BICC1: variants seen among roughly 807,000 people sequenced by gnomAD.
The protein encoded by BICC1 is BicC family RNA binding protein 1.
Under a neutral mutation model 111.0 loss-of-function variants are expected in BICC1, and 43 were observed. The observed-to-expected ratio is 0.39, with a 90% CI of 0.30 to 0.50. BICC1 has a LOEUF of 0.50. Among genes scored for constraint, BICC1 ranks in the 20% least tolerant of loss-of-function variants. BICC1 has a pLI of 0.88. For missense variants in BICC1, 1,091 were observed against 1,203.2 expected (o/e 0.91, Z 1.38); for synonymous variants, 467 against 434.4 (o/e 1.07, Z -0.93).
chr10:58,602,359 A>C (rs1845068737), intron 1 of BICC1, among the ~76,000 whole-genome samples: 1 of 152,216 alleles, frequency 6.6e-6, no homozygotes, highest in Non-Finnish European at 1.5e-5. Context: ...AATCGAGGTA[A>C]CATTATGTTA....
Position 58,555,662 on chromosome 10 carries a change from G to A in BICC1, c.190+42329G>A, listed in dbSNP as rs12357026. 2.2e-4 allele frequency among the ~76,000 whole-genome samples: 34 copies of A among 152,120 alleles called. 1 individual carries two copies. Among genetic ancestry groups the A allele is most frequent in the Non-Finnish European group, 7.4e-5 (5 of 68,018 alleles). On this transcript the variant is annotated intron_variant, in intron 1 of 20. Coordinates refer to ENST00000373886, the MANE Select transcript of BICC1 (RefSeq NM_001080512.3). ...TATGGGTCACTGAGGTCTGTCATGC[G>A]AAACTAAGTGTTGGCCTGGCATCTC...
At chr10:58,570,489 A>C (rs1210924742) in intron 1 of BICC1, among the ~76,000 whole-genome samples, 17 of 152,184 alleles carry the variant, frequency 1.1e-4, no homozygotes. Context: ...AGGAGCAGCC[A>C]AGATGACTGG....
rs144642523 is a variant in BICC1 at position 58,697,894 on chromosome 10, C to G, written c.238-4180C>G. ...CCTAGACCAAACTCCACCCACACCC[C>G]CTGTAGAGACCTTGTGCTTCCTCCC... On this transcript the variant is annotated intron_variant, in intron 2 of 20. Transcript: ENST00000373886. Among the ~76,000 whole-genome samples, 18 of 152,136 alleles carry G rather than the reference C, an allele frequency of 1.2e-4. No individual in the cohort carries two copies. In the East Asian group the frequency reaches 2.3e-3, roughly 20 times the overall value.
intron 3 of BICC1, among the ~76,000 whole-genome samples, chr10:58,746,122 T>C (rs1455970196): frequency 2.0e-5 from 3 of 152,144 alleles, no homozygotes; most frequent in African/African-American, 7.2e-5. Flanking sequence ...CCCATTTGGT[T>C]AGTGCCTCTG....
intron 1 of BICC1, among the ~76,000 whole-genome samples, chr10:58,579,085 G>A (rs868465414): frequency 5.9e-5 from 9 of 152,030 alleles, no homozygotes; most frequent in Non-Finnish European, 1.0e-4. Context: ...GAATCTAAAG[G>A]CCCCCTTCAT....
chr10:58,635,625 A>G (rs1837930761), intron 2 of BICC1, among the ~76,000 whole-genome samples: 1 of 152,170 alleles, frequency 6.6e-6, no homozygotes, highest in African/African-American at 2.4e-5. Context: ...CTGACAACTC[A>G]CCATTGCCTT....
At chr10:58,672,383 G>C (rs187624858) in intron 2 of BICC1, among the ~76,000 whole-genome samples, 1 of 151,964 alleles carries the variant, frequency 6.6e-6, no homozygotes, top group Non-Finnish European at 1.5e-5. Context: ...ACATAAGGAC[G>C]GGCACTTATT....
chr10:58,582,328 T>G (rs1264364525), intron 1 of BICC1, among the ~76,000 whole-genome samples: 1 of 152,244 alleles, frequency 6.6e-6, no homozygotes, highest in Non-Finnish European at 1.5e-5. Context: ...TTTTGACCTT[T>G]GTTAATCTAA....
chr10:58,729,963 G>T (rs918436451), intron 3 of BICC1, among the ~76,000 whole-genome samples: 1 of 152,122 alleles, frequency 6.6e-6, no homozygotes, highest in African/African-American at 2.4e-5. Flanking sequence ...TGACCCCACA[G>T]ATCTCATATC....
At chr10:58,821,422 A>T (rs1844248024) in intron 20 of BICC1, among the ~76,000 whole-genome samples, 1 of 152,164 alleles carries the variant, frequency 6.6e-6, no homozygotes, top group Non-Finnish European at 1.5e-5. Flanking sequence ...GACAACATTC[A>T]CTAATCAGAT....
Position 58,789,335 on chromosome 10 carries a change from C to T in BICC1, c.674C>T (p.Ser225Phe), listed in dbSNP as rs899700885. Residue 225 changes from serine to phenylalanine, a missense_variant, in exon 7 of 21, where the codon TCC becomes TTC. Ser to Phe is a radical substitution (Grantham distance 155). Coordinates refer to ENST00000373886, the MANE Select transcript of BICC1 (RefSeq NM_001080512.3). ...GILQPVPDPN[S>F]PSIQHISQTY... ...CTTCAACCGGTTCCTGATCCTAATT[C>T]CCCCTCTATTCAGCATATATCACAA... 4 of 1,613,806 alleles carry T rather than the reference C, an allele frequency of 2.5e-6. No individual in the cohort carries two copies. The highest frequency in any genetic ancestry group is 3.4e-6 in the Non-Finnish European group (4 of 1,179,928).
intron 1 of BICC1, among the ~76,000 whole-genome samples, chr10:58,513,565 T>G (rs1490222701): frequency 6.6e-6 from 1 of 152,204 alleles, no homozygotes; most frequent in African/African-American, 2.4e-5. Flanking sequence ...CGAACTTGAC[T>G]GGCTTCAGAA....
At chr10:58,670,562 C>T (rs1313130748) in intron 2 of BICC1, among the ~76,000 whole-genome samples, 1 of 152,096 alleles carries the variant, frequency 6.6e-6, no homozygotes, top group Non-Finnish European at 1.5e-5. Context: ...TGGGAGGAGT[C>T]AGGGACAGGC....
Position 58,798,489 on chromosome 10 carries a change from A to G in BICC1, c.1457A>G (p.Gln486Arg), listed in dbSNP as rs200020365. 3.4e-5 allele frequency: 55 copies of G among 1,613,190 alleles called. No homozygotes were observed. The highest frequency in any genetic ancestry group is 4.2e-5 in the Non-Finnish European group (49 of 1,179,620). The change falls in exon 11 of 21, where the codon CAA becomes CGA. Residue 486 changes from glutamine (Q) to arginine (R), a missense_variant. Around this residue, in one of 3 missense-constraint regions of BICC1, gnomAD observed 843 missense variants for 900.8 expected, o/e 0.94. Coordinates refer to ENST00000373886, the MANE Select transcript of BICC1 (RefSeq NM_001080512.3). ...NALNSSVSPL[Q>R]SPSSGTPSPT... is the part of the protein sequence containing the mutation. The stretch of plus-strand genomic sequence containing the variant: ...CTTAATAGCTCAGTCAGTCCTTTGC[A>G]AAGTCCAAGTTCTGGTACACCCAGC...
intron 3 of BICC1, among the ~76,000 whole-genome samples, chr10:58,748,467 G>C (rs1218092854): frequency 2.6e-5 from 4 of 152,080 alleles, no homozygotes; most frequent in South Asian, 2.1e-4. Flanking sequence ...AAAGTGGTGG[G>C]GGGTGGGGAG....
chr10:58,575,061 C>T (rs933277176), intron 1 of BICC1, among the ~76,000 whole-genome samples: 2 of 151,280 alleles, frequency 1.3e-5, no homozygotes, highest in Non-Finnish European at 2.9e-5. Flanking sequence ...ATGTGCAGAA[C>T]GTGCAGGTTT....
chr10:58,512,583 G>A (rs1043246431), upstream of BICC1, among the ~76,000 whole-genome samples: 39 of 152,172 alleles, frequency 2.6e-4, no homozygotes, highest in Admixed American at 1.8e-3. Context: ...TGTGTGATGT[G>A]TGTGTGTAGA....
chr10:58,606,306 A>G (rs1353891761), intron 1 of BICC1, among the ~76,000 whole-genome samples: 1 of 150,994 alleles, frequency 6.6e-6, no homozygotes, highest in Non-Finnish European at 1.5e-5. Context: ...TAGGGAGGTA[A>G]TTTTTTTCCC....
chr10:58,558,094 C>A (rs1843503309), intron 1 of BICC1, among the ~76,000 whole-genome samples: 1 of 152,076 alleles, frequency 6.6e-6, no homozygotes, highest in Non-Finnish European at 1.5e-5. Context: ...AGTTTTCTAC[C>A]TGATATCCTG....
Sources: gnomAD v4.1 joint callset for allele counts (sites outside exome capture counted in the v4.1 genomes callset) on GRCh38, gnomAD v4.1.1 for gene constraint, gnomAD v4.1.1 regional missense constraint, MANE v1.5 for transcripts, NCBI Gene and HGNC (gene_info 2026-07-23, HGNC 2026-07-21) for gene names.